SIL1: variants seen among roughly 807,000 people sequenced by gnomAD.
The protein encoded by SIL1 is SIL1 nucleotide exchange factor.
SIL1 carries 40 observed loss-of-function variants against 49.1 expected under a neutral mutation model. The ratio of observed to expected loss-of-function variants is 0.81; its 90% CI spans 0.63 to 1.06. SIL1 has a LOEUF of 1.06. Ranked by LOEUF, SIL1 falls within the 50% of genes least tolerant of loss-of-function variation. The pLI is 0.00. For synonymous variants in SIL1, 253 were observed against 250.8 expected, an observed-to-expected ratio of 1.01 and a Z score of -0.08; for missense variants, 500 against 572.6, an observed-to-expected ratio of 0.87 and a Z score of 1.29.
At chr5:139,088,225 G>A (rs1453306591) in intron 3 of SIL1, among the ~76,000 whole-genome samples, 5 of 152,320 alleles carry the variant, frequency 3.3e-5, no homozygotes, top group East Asian at 1.9e-4. Flanking sequence ...GCTGACTGCT[G>A]ACTAAGTGCC....
At chr5:139,131,280 G>A (rs1232537240) in intron 1 of SIL1, among the ~76,000 whole-genome samples, 1 of 152,160 alleles carries the variant, frequency 6.6e-6, no homozygotes, top group Non-Finnish European at 1.5e-5. Flanking sequence ...GAAGAATGCG[G>A]TGTTTACTTT....
intron 3 of SIL1, among the ~76,000 whole-genome samples, chr5:139,056,314 T>C (rs1390155119): frequency 1.3e-5 from 2 of 150,566 alleles, no homozygotes; most frequent in African/African-American, 2.5e-5. Flanking sequence ...GGAGCGCCTC[T>C]GCCCTGCCGC....
intron 7 of SIL1, among the ~76,000 whole-genome samples, chr5:138,957,040 A>G (rs1766918191): frequency 6.6e-6 from 1 of 152,028 alleles, no homozygotes; most frequent in South Asian, 2.1e-4. Flanking sequence ...CCCACTCCTC[A>G]CCACAGTAAC....
chr5:139,004,132 CTA>C (rs1355433075), intron 7 of SIL1, among the ~76,000 whole-genome samples: 2 of 152,178 alleles, frequency 1.3e-5, no homozygotes, highest in Non-Finnish European at 2.9e-5. Flanking sequence ...TACTTTGCAG[CTA>C]ATCTGTCTTC....
chr5:139,123,529 C>T (rs765299906), intron 2 of SIL1, among the ~76,000 whole-genome samples: 18 of 152,210 alleles, frequency 1.2e-4, no homozygotes, highest in South Asian at 4.1e-4. Context: ...GCCTCACATT[C>T]CAGAACAAAG....
chr5:139,061,498 T>G (rs1379990679), intron 3 of SIL1, among the ~76,000 whole-genome samples: 3 of 152,242 alleles, frequency 2.0e-5, no homozygotes, highest in African/African-American at 7.2e-5. Flanking sequence ...CCTGGGACTC[T>G]GCTCCTCACT....
chr5:139,112,111 T>C (rs1581108242), intron 3 of SIL1, among the ~76,000 whole-genome samples: 1 of 152,222 alleles, frequency 6.6e-6, no homozygotes. Flanking sequence ...CCTCCCGAGG[T>C]GCCGGGATTG....
At chr5:139,015,469 A>T (rs912965738) in intron 7 of SIL1, among the ~76,000 whole-genome samples, 1 of 152,236 alleles carries the variant, frequency 6.6e-6, no homozygotes, top group African/African-American at 2.4e-5. Flanking sequence ...AAGACATTTC[A>T]TTACCTCTCA....
intron 7 of SIL1, among the ~76,000 whole-genome samples, chr5:138,991,287 TGA>T (rs1454217242): frequency 6.6e-6 from 1 of 152,170 alleles, no homozygotes; most frequent in Non-Finnish European, 1.5e-5. Context: ...GAATAAAAGC[TGA>T]GAGAAAATGG....
At chr5:138,961,922 C>T (rs1767026810) in intron 7 of SIL1, among the ~76,000 whole-genome samples, 1 of 150,866 alleles carries the variant, frequency 6.6e-6, no homozygotes, top group African/African-American at 2.4e-5. Context: ...CTTCTCCAAA[C>T]ACAGTCACTT....
chr5:139,160,794 C>T (rs573446430), intron 1 of SIL1, among the ~76,000 whole-genome samples: 4 of 151,980 alleles, frequency 2.6e-5, no homozygotes, highest in African/African-American at 9.7e-5. Context: ...CATGCCACAG[C>T]ACTCCAGCCT....
intron 3 of SIL1, among the ~76,000 whole-genome samples, chr5:139,097,152 A>G (rs1770485936): frequency 6.6e-6 from 1 of 152,078 alleles, no homozygotes; most frequent in Non-Finnish European, 1.5e-5. Context: ...GTGCCACCTC[A>G]GCTGCAATAC....
chr5:138,991,522 AC>A (rs1272007862), intron 7 of SIL1, among the ~76,000 whole-genome samples: 1 of 152,208 alleles, frequency 6.6e-6, no homozygotes, highest in African/African-American at 2.4e-5. Context: ...ATAATGGGAT[AC>A]ACTAACTCCC....
intron 1 of SIL1, among the ~76,000 whole-genome samples, chr5:139,168,757 C>T (rs887453279): frequency 3.9e-5 from 6 of 152,010 alleles, no homozygotes; most frequent in African/African-American, 1.5e-4. Flanking sequence ...ATCGCTTGAA[C>T]CCAGGAGTTT....
chr5:139,146,573 AAATAAAAAT>A (rs1217047062), intron 1 of SIL1, among the ~76,000 whole-genome samples: 1 of 152,150 alleles, frequency 6.6e-6, no homozygotes, highest in Non-Finnish European at 1.5e-5. Context: ...ATGTTTAATA[AAATAAAAAT>A]AATAAAAATA....
At chr5:139,111,941 C>T (rs1490163641) in intron 3 of SIL1, among the ~76,000 whole-genome samples, 2 of 152,222 alleles carry the variant, frequency 1.3e-5, no homozygotes, top group Non-Finnish European at 2.9e-5. Flanking sequence ...CTGCAACCTC[C>T]CTGCCTGATT....
intron 1 of SIL1, among the ~76,000 whole-genome samples, chr5:139,181,991 T>G (rs371629588): frequency 1.1e-4 from 17 of 152,030 alleles, no homozygotes; most frequent in Admixed American, 5.9e-4. Flanking sequence ...GTTTTTTTGG[T>G]TTTTTTTAAG....
At chr5:139,152,129 C>G (rs1166985780) in intron 1 of SIL1, among the ~76,000 whole-genome samples, 1 of 152,176 alleles carries the variant, frequency 6.6e-6, no homozygotes, top group Non-Finnish European at 1.5e-5. Context: ...GGCAATGGTG[C>G]CTTGGGCCGT....
At chr5:139,111,610 G>A (rs941256225) in intron 3 of SIL1, among the ~76,000 whole-genome samples, 4 of 152,164 alleles carry the variant, frequency 2.6e-5, no homozygotes, top group African/African-American at 7.2e-5. Flanking sequence ...CTGGCATCAA[G>A]CACTATACTT....
Sources: gnomAD v4.1 joint callset for allele counts (sites outside exome capture counted in the v4.1 genomes callset) on GRCh38, gnomAD v4.1.1 for gene constraint, MANE v1.5 for transcripts, NCBI Gene and HGNC (gene_info 2026-07-23, HGNC 2026-07-21) for gene names.